The following COL15A1 variants were observed in gnomAD, a reference collection of about 807,000 sequenced individuals.
COL15A1 encodes collagen type XV alpha 1 chain.
Under a neutral mutation model 165.9 loss-of-function variants are expected in COL15A1, and 111 were observed. The observed-to-expected ratio is 0.67, with a 90% confidence interval of 0.57 to 0.78. The LOEUF (loss-of-function observed/expected upper bound fraction) is 0.78. COL15A1 is among the 30% of genes least tolerant of loss of function. COL15A1 has a pLI of 0.00. For missense variants in COL15A1, 1,745 were observed against 1,789.7 expected (o/e 0.98, Z 0.45); for synonymous variants, 659 against 674.8 (o/e 0.98, Z 0.36).
intron 2 of COL15A1, among the ~76,000 whole-genome samples, chr9:98,949,403 G>A (rs535443593): frequency 7.9e-5 from 12 of 152,290 alleles, no homozygotes; most frequent in Admixed American, 7.2e-4. Flanking sequence ...CTATACCTAC[G>A]AGTGGAGTGC....
At chr9:98,971,498 C>T (rs1326316234) in intron 2 of COL15A1, among the ~76,000 whole-genome samples, 1 of 152,050 alleles carries the variant, frequency 6.6e-6, no homozygotes, top group Non-Finnish European at 1.5e-5. Flanking sequence ...AAACTCTTCC[C>T]AGATGCCCAT....
chr9:99,070,732 G>T lies in COL15A1; in HGVS notation c.*846G>T. ...ACATATATCTACATGTTGTATAATT[G>T]GATTTTTTTTCCATGTAAGTGAACA... is the stretch of plus-strand genomic sequence containing the variant. On this transcript the variant is annotated 3_prime_UTR_variant, in exon 42 of 42. Coordinates refer to ENST00000375001, the MANE Select transcript of COL15A1 (RefSeq NM_001855.5). The T allele has an allele frequency of 2.2e-5, 8 of 361,268 alleles. No individual in the cohort carries two copies. The highest frequency in any genetic ancestry group is 7.3e-5 in the Admixed American group (2 of 27,520). 22.4% of individuals were successfully genotyped at this position (361,268 alleles called of 1,614,324 possible).
chr9:98,963,318 C>T (rs1488049658), intron 2 of COL15A1, among the ~76,000 whole-genome samples: 6 of 152,196 alleles, frequency 3.9e-5, no homozygotes, highest in Admixed American at 3.9e-4. Context: ...CCACTGGGAA[C>T]CTGAGGCCTC....
At chr9:98,964,872 A>C (rs1379497239) in intron 2 of COL15A1, among the ~76,000 whole-genome samples, 1 of 152,186 alleles carries the variant, frequency 6.6e-6, no homozygotes, top group Non-Finnish European at 1.5e-5. Context: ...ATTCTTCATC[A>C]GCGCCTTGGC....
intron 17 of COL15A1, 72 bp from the exon 18 acceptor site, chr9:99,034,942 T>C: frequency 7.8e-7 from 1 of 1,282,214 alleles, no homozygotes; most frequent in Non-Finnish European, 1.1e-6. Flanking sequence ...GATTTTCTGA[T>C]TCAGGCATGC....
chr9:98,959,626 C>A (rs1026201657), intron 2 of COL15A1, among the ~76,000 whole-genome samples: 1 of 152,080 alleles, frequency 6.6e-6, no homozygotes, highest in Non-Finnish European at 1.5e-5. Flanking sequence ...TCTGCCCCTG[C>A]AATGTCTGTT....
intron 18 of COL15A1, 26 bp downstream of exon 18, chr9:99,035,180 T>A (rs1442256099): frequency 1.3e-6 from 2 of 1,582,320 alleles, no homozygotes. Flanking sequence ...TCTGTGGTTA[T>A]AAAAATGATG....
At chr9:99,009,184 C>T (rs551541053) in intron 9 of COL15A1, among the ~76,000 whole-genome samples, 2 of 150,514 alleles carry the variant, frequency 1.3e-5, no homozygotes, top group East Asian at 4.0e-4. Context: ...TATAAAACCA[C>T]CTTTTGAAAG....
chr9:98,994,243 T>A (rs926258481), intron 5 of COL15A1, among the ~76,000 whole-genome samples: 3 of 152,096 alleles, frequency 2.0e-5, no homozygotes, highest in African/African-American at 7.2e-5. Flanking sequence ...GATCCTAGAA[T>A]CTGTATTGAC....
intron 2 of COL15A1, among the ~76,000 whole-genome samples, chr9:98,976,825 T>C (rs1838148265): frequency 6.6e-6 from 1 of 152,134 alleles, no homozygotes; most frequent in African/African-American, 2.4e-5. Context: ...CCATATATGC[T>C]ACATAGAGTC....
At chr9:98,991,269 A>G (rs572522343) in intron 5 of COL15A1, among the ~76,000 whole-genome samples, 364 of 147,522 alleles carry the variant, frequency 2.5e-3, no homozygotes, top group African/African-American at 8.6e-3. Flanking sequence ...ACCCCCCCCC[A>G]CATCCTGCTG....
chr9:99,066,607 T>TTG (rs1403420094), intron 39 of COL15A1, among the ~76,000 whole-genome samples: 2 of 126,434 alleles, frequency 1.6e-5, no homozygotes, highest in Admixed American at 1.7e-4. Flanking sequence ...CTGTTTTTTT[T>TTG]TTTTTTTTTT....
intron 2 of COL15A1, among the ~76,000 whole-genome samples, chr9:98,984,029 G>A (rs1564027483): frequency 6.6e-6 from 1 of 152,214 alleles, no homozygotes; most frequent in Non-Finnish European, 1.5e-5. Flanking sequence ...GTTCTCAGTG[G>A]CCTCTGGCCT....
intron 17 of COL15A1, among the ~76,000 whole-genome samples, chr9:99,034,813 C>T (rs532069440): frequency 3.9e-5 from 6 of 152,160 alleles, no homozygotes; most frequent in South Asian, 2.1e-4. Flanking sequence ...CCTCCAAATG[C>T]ATTCAAATGA....
At chr9:98,997,125 T>C in intron 6 of COL15A1, 44 bp downstream of exon 6, 1 of 1,609,976 alleles carries the variant, frequency 6.2e-7, no homozygotes, top group South Asian at 1.1e-5. Flanking sequence ...TTTTATTGGG[T>C]GATTACTATG....
chr9:99,060,792 ATCACTTGAGC>A (rs1825804002), intron 36 of COL15A1, among the ~76,000 whole-genome samples: 2 of 152,114 alleles, frequency 1.3e-5, no homozygotes, highest in Non-Finnish European at 2.9e-5. Context: ...GAAGCTAAGG[ATCACTTGAGC>A]CTGGGAAGTC....
chr9:98,976,642 C>G (rs1051055759), intron 2 of COL15A1, among the ~76,000 whole-genome samples: 2 of 152,176 alleles, frequency 1.3e-5, no homozygotes, highest in African/African-American at 4.8e-5. Flanking sequence ...AGACTGTGAG[C>G]CTGGCACCTT....
intron 4 of COL15A1, among the ~76,000 whole-genome samples, chr9:98,987,684 G>A (rs1838339467): frequency 6.6e-6 from 1 of 152,154 alleles, no homozygotes; most frequent in Non-Finnish European, 1.5e-5. Context: ...AGATATTCTG[G>A]GAGTAAATTC....
At chr9:99,068,840 G>A (rs1825938227) in intron 41 of COL15A1, among the ~76,000 whole-genome samples, 170 bp downstream of exon 41, 1 of 152,182 alleles carries the variant, frequency 6.6e-6, no homozygotes, top group Non-Finnish European at 1.5e-5. Context: ...AGAAGACCCA[G>A]GTCCAGTAAC....
Sources: allele counts gnomAD v4.1 joint callset (sites outside exome capture counted in the v4.1 genomes callset), GRCh38; gene constraint gnomAD v4.1.1; transcripts MANE v1.5; gene names NCBI Gene and HGNC (gene_info 2026-07-23, HGNC 2026-07-21).